The following KIAA1217 variants were observed in gnomAD, a reference collection of about 807,000 sequenced individuals.
KIAA1217 encodes the protein KIAA1217, also known as sickle tail protein homolog.
A neutral mutation model predicts 163.9 loss-of-function variants in KIAA1217; 88 were observed. The observed-to-expected ratio is 0.54, with a 90% CI of 0.45 to 0.64. The LOEUF is 0.64. KIAA1217 is among the 30% of genes least tolerant of loss of function. The pLI is 0.00. For synonymous variants in KIAA1217, 903 were observed against 923.1 expected, an observed-to-expected ratio of 0.98 and a Z score of 0.39; for missense variants, 2,372 against 2,475.0, an observed-to-expected ratio of 0.96 and a Z score of 0.88.
chr10:24,502,258 T>C (rs2067738565), intron 9 of KIAA1217, among the ~76,000 whole-genome samples: 1 of 149,652 alleles, frequency 6.7e-6, no homozygotes, highest in Admixed American at 6.7e-5. Flanking sequence ...TTTTTTTTTT[T>C]TTTCATTTTT....
At chr10:24,317,124 G>C (rs1028312710) in intron 2 of KIAA1217, among the ~76,000 whole-genome samples, 2 of 152,072 alleles carry the variant, frequency 1.3e-5, no homozygotes, top group African/African-American at 4.8e-5. Context: ...TCAGCCTATA[G>C]ATTTTCATGT....
chr10:24,411,571 T>C (rs1184025523), intron 3 of KIAA1217, among the ~76,000 whole-genome samples: 2 of 152,168 alleles, frequency 1.3e-5, no homozygotes, highest in Non-Finnish European at 2.9e-5. Context: ...TTAACATTAC[T>C]CTCTGGTTTA....
At chr10:24,515,181 T>C (rs1257597926) in intron 10 of KIAA1217, among the ~76,000 whole-genome samples, 4 of 151,714 alleles carry the variant, frequency 2.6e-5, no homozygotes, top group Admixed American at 2.6e-4. Context: ...TATTCTCCTA[T>C]GTCAGCCTCC....
intron 1 of KIAA1217, among the ~76,000 whole-genome samples, chr10:23,702,658 CAGG>C (rs1421678346): frequency 7.3e-6 from 1 of 136,440 alleles, no homozygotes; most frequent in Non-Finnish European, 1.5e-5. Context: ...CTTAACAGAA[CAGG>C]AGAATACACA....
chr10:23,714,713 C>A (rs1017592178), intron 1 of KIAA1217, among the ~76,000 whole-genome samples: 23 of 151,992 alleles, frequency 1.5e-4, no homozygotes, highest in African/African-American at 5.3e-4. Flanking sequence ...TGTGAAAAGG[C>A]CATATTTGCG....
At chr10:24,488,675 A>T (rs1564782519) in intron 6 of KIAA1217, among the ~76,000 whole-genome samples, 2 of 152,224 alleles carry the variant, frequency 1.3e-5, no homozygotes, top group Non-Finnish European at 2.9e-5. Context: ...ACAAATTCAG[A>T]CAATTTAAAT....
chr10:24,115,379 A>G (rs1285352665), intron 2 of KIAA1217, among the ~76,000 whole-genome samples: 1 of 152,276 alleles, frequency 6.6e-6, no homozygotes, highest in Admixed American at 6.5e-5. Flanking sequence ...TATGGAGTTT[A>G]GGAAAATTAA....
At chr10:24,322,497 G>T (rs1213392264) in intron 2 of KIAA1217, among the ~76,000 whole-genome samples, 1 of 152,128 alleles carries the variant, frequency 6.6e-6, no homozygotes, top group Non-Finnish European at 1.5e-5. Flanking sequence ...AAAAGACCCT[G>T]TACATGAACT....
intron 2 of KIAA1217, among the ~76,000 whole-genome samples, chr10:24,326,110 G>A (rs2133412249): frequency 6.6e-6 from 1 of 152,180 alleles, no homozygotes; most frequent in Admixed American, 6.5e-5. Flanking sequence ...TTGCATATTT[G>A]GGAAAGTAAA....
At position 24,546,257 on chromosome 10, in the gene KIAA1217, C is replaced by G; in HGVS notation, c.5765C>G (p.Thr1922Ser). The change falls in exon 21 of 21, where the codon ACC (threonine) becomes AGC (serine). Residue 1922 changes from threonine to serine, a missense_variant. Around this residue, in one of 3 missense-constraint regions of KIAA1217, gnomAD observed 690 missense variants for 677.5 expected, o/e 1.02. Transcript: ENST00000376454. ...GTRTIHTPSL[T>S]SYKAQNGSSS... ...AGGACCATCCATACTCCCAGCCTCA[C>G]CAGCTACAAGGCACAGAATGGAAGT... The G allele has an allele frequency of 3.7e-6, 6 of 1,614,156 alleles. No individual in the cohort carries two copies. Among genetic ancestry groups the G allele is most frequent in the Non-Finnish European group, 5.1e-6 (6 of 1,180,014 alleles).
At chr10:24,340,418 T>C (rs2046938688) in intron 2 of KIAA1217, among the ~76,000 whole-genome samples, 2 of 152,184 alleles carry the variant, frequency 1.3e-5, no homozygotes, top group Admixed American at 6.5e-5. Context: ...TGCTGCCACG[T>C]AAGCCATGCC....
intron 6 of KIAA1217, among the ~76,000 whole-genome samples, chr10:24,475,243 G>A (rs1192156997): frequency 6.6e-6 from 1 of 152,030 alleles, no homozygotes. Flanking sequence ...AAAATAAGGT[G>A]TCTAGATATT....
At chr10:24,432,462 A>C (rs1276617408) in intron 3 of KIAA1217, among the ~76,000 whole-genome samples, 1 of 150,320 alleles carries the variant, frequency 6.7e-6, no homozygotes, top group East Asian at 2.0e-4. Flanking sequence ...TGCTTCTTGC[A>C]TGTTTGTTTT....
chr10:24,062,670 G>A (rs2060776188), intron 2 of KIAA1217, among the ~76,000 whole-genome samples: 1 of 151,888 alleles, frequency 6.6e-6, no homozygotes. Flanking sequence ...GGGATGGCTG[G>A]GTCAAATGGT....
In KIAA1217 at chr10:24,511,521, C is replaced by A. The variant is rs570035794; in HGVS notation, c.2002-1738C>A. Among the ~76,000 whole-genome samples, 56 of 152,034 alleles carry A rather than the reference C, an allele frequency of 3.7e-4. 1 individual carries two copies. Among genetic ancestry groups the A allele is most frequent in the Admixed American group, 3.6e-3 (55 of 15,280 alleles). On this transcript the variant is annotated intron_variant, in intron 9 of 20. Transcript: ENST00000376454. ...GCCGGGTGTGGTGGTGTGGTGGGCACCTGTAATCCCAGCTACTTGGGAGGC... is the reference window on the plus strand; with the variant it reads ...GCCGGGTGTGGTGGTGTGGTGGGCAACTGTAATCCCAGCTACTTGGGAGGC...
intron 2 of KIAA1217, among the ~76,000 whole-genome samples, chr10:24,325,592 T>C (rs1457872365): frequency 1.3e-5 from 2 of 152,206 alleles, no homozygotes; most frequent in African/African-American, 2.4e-5. Flanking sequence ...GAATAGATTG[T>C]CTTAAACTTC....
At chr10:24,124,341 T>G (rs1276679412) in intron 2 of KIAA1217, among the ~76,000 whole-genome samples, 1 of 152,132 alleles carries the variant, frequency 6.6e-6, no homozygotes, top group African/African-American at 2.4e-5. Context: ...TTTAGAAGTT[T>G]GTAAATTATT....
At position 24,012,036 on chromosome 10, in the gene KIAA1217, A is replaced by T. The variant is rs549350242; in HGVS notation, c.-171+4662A>T. On this transcript the variant is annotated intron_variant, in intron 2 of 18. Coordinates refer to the KIAA1217 transcript ENST00000376462. ...TAAAAGGAAAGAAAGAAACATTTCT[A>T]CATTTAACAGAACCCAAAGGCAATT... 1.2e-4 allele frequency among the ~76,000 whole-genome samples: 18 copies of T among 152,330 alleles called. No individual in the cohort carries two copies. In the East Asian group the frequency reaches 2.1e-3, roughly 18 times the overall value.
intron 2 of KIAA1217, among the ~76,000 whole-genome samples, chr10:24,377,111 C>A (rs1269576115): frequency 1.3e-5 from 2 of 152,088 alleles, no homozygotes; most frequent in Non-Finnish European, 2.9e-5. Flanking sequence ...GACAGAGAGA[C>A]CCCTTCGAAG....
Sources: gnomAD v4.1 joint callset for allele counts (sites outside exome capture counted in the v4.1 genomes callset) on GRCh38, gnomAD v4.1.1 for gene constraint, gnomAD v4.1.1 regional missense constraint, MANE v1.5 for transcripts, NCBI Gene and HGNC (gene_info 2026-07-23, HGNC 2026-07-21) for gene names.